SPIRE1: variants seen among roughly 807,000 people sequenced by gnomAD.
SPIRE1 encodes the protein protein spire homolog 1.
SPIRE1 carries 40 observed loss-of-function variants against 94.1 expected under a neutral mutation model. The observed-to-expected ratio is 0.43, with a 90% CI of 0.33 to 0.55. SPIRE1 has a LOEUF of 0.55. Ranked by LOEUF, SPIRE1 falls within the 20% of genes least tolerant of loss-of-function variation. The pLI, the probability that SPIRE1 is intolerant of heterozygous loss-of-function variation, is 0.06. For synonymous variants in SPIRE1, 376 were observed against 371.7 expected (o/e 1.01, Z -0.13); for missense variants, 838 against 975.2 (o/e 0.86, Z 1.87).
intron 4 of SPIRE1, among the ~76,000 whole-genome samples, chr18:12,525,508 A>C (rs1426658716): frequency 2.0e-5 from 3 of 151,944 alleles, no homozygotes; most frequent in Non-Finnish European, 4.4e-5. Flanking sequence ...TAAGAAAATT[A>C]TACCCCTGAA....
At chr18:12,549,867 C>T (rs181712790) in intron 2 of SPIRE1, among the ~76,000 whole-genome samples, 3 of 152,260 alleles carry the variant, frequency 2.0e-5, no homozygotes. Context: ...CCAGCGATGG[C>T]TTCCAACCAT....
chr18:12,623,871 G>A (rs544773638), intron 2 of SPIRE1, among the ~76,000 whole-genome samples: 7 of 151,066 alleles, frequency 4.6e-5, no homozygotes, highest in Admixed American at 1.3e-4. Context: ...CAGGTGATCC[G>A]CCTGCCTCGG....
intron 1 of SPIRE1, among the ~76,000 whole-genome samples, chr18:12,639,510 G>C (rs2038027435): frequency 6.6e-6 from 1 of 152,156 alleles, no homozygotes; most frequent in Non-Finnish European, 1.5e-5. Flanking sequence ...AAGGCAGGTG[G>C]ATCACGAGGT....
At chr18:12,647,960 G>A (rs2038269272) in intron 1 of SPIRE1, among the ~76,000 whole-genome samples, 1 of 152,086 alleles carries the variant, frequency 6.6e-6, no homozygotes, top group East Asian at 1.9e-4. Context: ...ACAGAAGGAG[G>A]GCTGCATATC....
At chr18:12,502,079 C>T (rs2033684556) in intron 6 of SPIRE1, among the ~76,000 whole-genome samples, 1 of 152,162 alleles carries the variant, frequency 6.6e-6, no homozygotes, top group Admixed American at 6.5e-5. Flanking sequence ...CATTACTTCC[C>T]TAAGCCTCAT....
intron 2 of SPIRE1, among the ~76,000 whole-genome samples, chr18:12,583,371 A>C (rs2036306557): frequency 6.6e-6 from 1 of 152,240 alleles, no homozygotes; most frequent in African/African-American, 2.4e-5. Context: ...TGGGAGGCCA[A>C]GGCAGGCGGA....
chr18:12,649,978 G>A (rs549566079), intron 1 of SPIRE1, among the ~76,000 whole-genome samples: 1 of 152,094 alleles, frequency 6.6e-6, no homozygotes, highest in African/African-American at 2.4e-5. Context: ...GGTGGCTCAC[G>A]CCTGTAATCC....
At chr18:12,614,184 C>T (rs28565322) in intron 2 of SPIRE1, among the ~76,000 whole-genome samples, 11,774 of 152,072 alleles carry the variant, frequency 0.077, 624 homozygotes, top group Middle Eastern at 0.16. Context: ...CTGCTTGAGC[C>T]CAGAAGGTGC....
chr18:12,486,132 T>C, intron 8 of SPIRE1, 132 bp from the exon 9 acceptor site: 1 of 644,762 alleles, frequency 1.6e-6, no homozygotes. Context: ...AGGCAGAAGC[T>C]AGTGAATGAA....
chr18:12,481,038 A>G (rs1464113076), intron 9 of SPIRE1, among the ~76,000 whole-genome samples: 1 of 152,140 alleles, frequency 6.6e-6, no homozygotes, highest in African/African-American at 2.4e-5. Context: ...ACTATAAAAA[A>G]CAAGAATGTG....
At chr18:12,470,554 T>TA (rs1265663013) in intron 10 of SPIRE1, among the ~76,000 whole-genome samples, 4 of 152,126 alleles carry the variant, frequency 2.6e-5, no homozygotes, top group Non-Finnish European at 5.9e-5. Flanking sequence ...TTGGGTAACT[T>TA]AGACACTCAG....
intron 9 of SPIRE1, among the ~76,000 whole-genome samples, chr18:12,483,280 G>A (rs915604630): frequency 3.3e-5 from 5 of 152,074 alleles, no homozygotes; most frequent in Admixed American, 6.6e-5. Context: ...TAAGAAGTTT[G>A]ATCACTTATA....
chr18:12,606,679 C>T lies in SPIRE1; in HGVS notation c.372+28383G>A, dbSNP rs556688199. The stretch of plus-strand genomic sequence containing the variant: ...CCGAGTAGCTGGGATTACAAGCATG[C>T]ACCACCATGCCCAGCTAATTTTTAT... On this transcript the variant is annotated intron_variant, in intron 2 of 16. Transcript: ENST00000409402. 3.4e-3 allele frequency among the ~76,000 whole-genome samples: 524 copies of T among 152,198 alleles called. 3 individuals carry two copies. The highest frequency in any genetic ancestry group is 0.012 in the African/African-American group (501 of 41,528).
chr18:12,582,239 G>C (rs1025237775), intron 2 of SPIRE1, among the ~76,000 whole-genome samples: 3 of 152,056 alleles, frequency 2.0e-5, no homozygotes, highest in Non-Finnish European at 4.4e-5. Context: ...AATCCCCTTT[G>C]GTTATTTCCA....
intron 4 of SPIRE1, among the ~76,000 whole-genome samples, chr18:12,531,213 A>C (rs774364659): frequency 5.8e-4 from 88 of 151,896 alleles, no homozygotes; most frequent in Non-Finnish European, 7.8e-4. Flanking sequence ...CTCTTATTTC[A>C]TACCTCAACT....
At chr18:12,452,175 C>T (rs1277203012) in intron 16 of SPIRE1, 80 bp downstream of exon 16, 1 of 1,568,952 alleles carries the variant, frequency 6.4e-7, no homozygotes. Context: ...GAGCCAAAAC[C>T]CTAACACTCT....
chr18:12,495,944 A>C, intron 7 of SPIRE1, 72 bp downstream of exon 7: 3 of 1,177,938 alleles, frequency 2.5e-6, no homozygotes, highest in Non-Finnish European at 3.8e-6. Context: ...GCTGAGTTCT[A>C]GAGATGACAC....
At chr18:12,548,550 A>T (rs1042281869) in intron 2 of SPIRE1, among the ~76,000 whole-genome samples, 3 of 152,058 alleles carry the variant, frequency 2.0e-5, no homozygotes, top group Non-Finnish European at 4.4e-5. Context: ...GAAAACATGT[A>T]ATATTTTCAC....
chr18:12,649,733 T>C (rs2144886570), intron 1 of SPIRE1, among the ~76,000 whole-genome samples: 1 of 152,324 alleles, frequency 6.6e-6, no homozygotes, highest in Middle Eastern at 3.4e-3. Context: ...TCAAAACTCT[T>C]AGTGAGGCCA....
Sources: allele counts gnomAD v4.1 joint callset (sites outside exome capture counted in the v4.1 genomes callset), GRCh38; gene constraint gnomAD v4.1.1; transcripts MANE v1.5; gene names NCBI Gene and HGNC (gene_info 2026-07-23, HGNC 2026-07-21).